SVIL: variants seen among roughly 807,000 people sequenced by gnomAD.
SVIL encodes archvillin.
A neutral mutation model predicts 240.4 loss-of-function variants in SVIL; 101 were observed. That is an observed-to-expected ratio of 0.42 (90% CI 0.36 to 0.50). The LOEUF is 0.50. Among genes scored for constraint, SVIL ranks in the 20% least tolerant of loss-of-function variants. The probability of loss-of-function intolerance (pLI) is 0.01; values close to 1 mark genes in which losing one functional copy is unlikely to be tolerated. For missense variants in SVIL, 2,512 were observed against 2,818.7 expected, an observed-to-expected ratio of 0.89 and a Z score of 2.46; for synonymous variants, 999 against 1,100.0, an observed-to-expected ratio of 0.91 and a Z score of 1.82.
chr10:29,569,853 A>G (rs1411406753), intron 1 of SVIL, among the ~76,000 whole-genome samples: 5 of 152,256 alleles, frequency 3.3e-5, no homozygotes, highest in African/African-American at 1.2e-4. Flanking sequence ...TATTTTGAAG[A>G]CAAGATAGGT....
intron 2 of SVIL, among the ~76,000 whole-genome samples, chr10:29,676,192 AC>A (rs1960186753): frequency 6.6e-6 from 1 of 152,182 alleles, no homozygotes; most frequent in South Asian, 2.1e-4. Flanking sequence ...CCATCTCCTC[AC>A]CTGCAGCACC....
chr10:29,672,433 C>T (rs553122937), intron 2 of SVIL, among the ~76,000 whole-genome samples: 17 of 144,242 alleles, frequency 1.2e-4, no homozygotes, highest in African/African-American at 2.4e-4. Context: ...GTGATCACAC[C>T]GCTGTGCTTC....
chr10:29,620,000 T>C (rs1035369848), intron 1 of SVIL, among the ~76,000 whole-genome samples: 10 of 152,196 alleles, frequency 6.6e-5, no homozygotes, highest in African/African-American at 2.4e-4. Context: ...TAACAGCTTC[T>C]TTCCACAAGG....
At chr10:29,556,744 G>A (rs1953968172) in intron 3 of SVIL, among the ~76,000 whole-genome samples, 2 of 152,184 alleles carry the variant, frequency 1.3e-5, no homozygotes, top group Admixed American at 1.3e-4. Context: ...GCGGCCTTGG[G>A]AGAGGAGGCT....
chr10:29,522,547 C>A lies in SVIL; in HGVS notation c.3252G>T (p.Lys1084Asn). 3 of 1,614,206 alleles carry A rather than the reference C, an allele frequency of 1.9e-6. No individual in the cohort carries two copies. Among genetic ancestry groups the A allele is most frequent in the Non-Finnish European group, 2.5e-6 (3 of 1,180,040 alleles). Residue 1084 changes from lysine (K) to asparagine (N), a missense_variant, in exon 16 of 38, where the codon AAG becomes AAT. Physicochemically the swap from Lys to Asn is moderately conservative, Grantham distance 94. This residue lies in a region of SVIL where 1,443 missense variants were observed against 1,486.6 expected (regional missense o/e 0.97). Coordinates refer to ENST00000355867, the MANE Select transcript of SVIL (RefSeq NM_021738.3). The part of the protein sequence containing the change: ...IAQTTAPVSW[K>N]PQDSSEQPQE... ...GTGGCTGTTCCGAAGAATCCTGGGG[C>A]TTCCAGGACACGGGGGCTGTGGTTT...
Position 29,532,718 on chromosome 10 carries a change from TCTG to T in SVIL, c.1646_1648del (p.Ser549_Asp550delinsTyr). The stretch of plus-strand genomic sequence containing the variant: ...CTGGAGCTGAGGGGGGCCTGTGAAA[TCTG>T]ACAGAGAGCGGGTACGGACCTTGCG... On this transcript the variant is annotated inframe_deletion, in exon 8 of 38. Transcript: ENST00000355867. 6.2e-7 allele frequency: 1 copy of T among 1,614,174 alleles called. No individual in the cohort carries two copies. Among genetic ancestry groups the T allele is most frequent in the Non-Finnish European group, 8.5e-7 (1 of 1,180,040 alleles).
chr10:29,634,050 T>G (rs1958215093), intron 1 of SVIL, among the ~76,000 whole-genome samples: 1 of 152,192 alleles, frequency 6.6e-6, no homozygotes, highest in South Asian at 2.1e-4. Context: ...CCCCCATACT[T>G]GTGCTACGAT....
At chr10:29,583,134 A>G (rs1326816439) in intron 1 of SVIL, among the ~76,000 whole-genome samples, 2 of 152,210 alleles carry the variant, frequency 1.3e-5, no homozygotes, top group Non-Finnish European at 2.9e-5. Flanking sequence ...GACTCCAATA[A>G]TTTGAAGGAA....
chr10:29,528,052 A>G (rs1168327470), intron 12 of SVIL, among the ~76,000 whole-genome samples: 6 of 152,072 alleles, frequency 3.9e-5, no homozygotes, highest in African/African-American at 1.4e-4. Context: ...TAAAAGTATC[A>G]GTGTTCTTAT....
At chr10:29,483,697 A>C (rs894855956) in intron 27 of SVIL, 4 of 152,334 alleles carry the variant, frequency 2.6e-5, no homozygotes, top group East Asian at 3.9e-4. Context: ...CAGTCCTTAA[A>C]ATAATGGTTG....
At chr10:29,704,291 G>A (rs1259728624) in intron 1 of SVIL, among the ~76,000 whole-genome samples, 1 of 152,202 alleles carries the variant, frequency 6.6e-6, no homozygotes, top group East Asian at 1.9e-4. Context: ...TGTCGTGTGT[G>A]TGTGTATGTG....
chr10:29,566,144 C>T (rs1388326755), intron 2 of SVIL, among the ~76,000 whole-genome samples: 1 of 152,126 alleles, frequency 6.6e-6, no homozygotes, highest in African/African-American at 2.4e-5. Flanking sequence ...ATCACCCTCC[C>T]TCCTTTCCTT....
At chr10:29,662,272 C>T (rs1959169688) in intron 2 of SVIL, among the ~76,000 whole-genome samples, 2 of 152,166 alleles carry the variant, frequency 1.3e-5, no homozygotes, top group African/African-American at 4.8e-5. Context: ...AGGAGAGCTT[C>T]TCTGACTGCC....
intron 1 of SVIL, among the ~76,000 whole-genome samples, chr10:29,688,235 G>T (rs1040395414): frequency 1.3e-5 from 2 of 152,234 alleles, no homozygotes; most frequent in African/African-American, 4.8e-5. Flanking sequence ...ATGCTTCGAG[G>T]CGGTGAGGCA....
At chr10:29,470,928 G>A (rs1399181478) in intron 31 of SVIL, among the ~76,000 whole-genome samples, 3 of 152,130 alleles carry the variant, frequency 2.0e-5, no homozygotes, top group Non-Finnish European at 4.4e-5. Context: ...CCAGCCTCCT[G>A]CGTGCAAAGG....
rs1483270722 is a variant in SVIL, at chr10:29,523,747, A to G, written c.2867T>C (p.Leu956Ser). The change falls in exon 15 of 38, where the codon TTG becomes TCG. Residue 956 changes from leucine (L) to serine (S), a missense_variant. Around this residue, in one of 3 missense-constraint regions of SVIL, gnomAD observed 1,443 missense variants for 1,486.6 expected, o/e 0.97. Transcript: ENST00000355867. ...CTCCATCCCACTGTCTCGACCTGTC[A>G]AAGCTCTCTTGCTTTCTGTCTCTCC... ...EYGETESKRA[L>S]TGRDSGMEKY... 5.0e-6 allele frequency: 8 copies of G among 1,614,190 alleles called. No individual in the cohort carries two copies. The highest frequency in any genetic ancestry group is 6.8e-6 in the Non-Finnish European group (8 of 1,180,034).
chr10:29,671,667 TCTC>T (rs1564750651), intron 2 of SVIL, among the ~76,000 whole-genome samples: 2 of 152,228 alleles, frequency 1.3e-5, no homozygotes, highest in Non-Finnish European at 2.9e-5. Context: ...ACTCTAGGCT[TCTC>T]CTAGGTCATC....
intron 6 of SVIL, among the ~76,000 whole-genome samples, chr10:29,543,543 T>C (rs1417193296): frequency 2.0e-5 from 3 of 152,216 alleles, no homozygotes; most frequent in Admixed American, 2.0e-4. Flanking sequence ...GCACTGATTT[T>C]TTTTCCATCT....
At chr10:29,631,768 C>T (rs1033096603) in intron 1 of SVIL, among the ~76,000 whole-genome samples, 2 of 151,838 alleles carry the variant, frequency 1.3e-5, no homozygotes, top group African/African-American at 4.8e-5. Flanking sequence ...GAGTGAGACT[C>T]CATCTCAAAA....
Sources: gnomAD v4.1 joint callset for allele counts (sites outside exome capture counted in the v4.1 genomes callset) on GRCh38, gnomAD v4.1.1 for gene constraint, gnomAD v4.1.1 regional missense constraint, MANE v1.5 for transcripts, NCBI Gene and HGNC (gene_info 2026-07-23, HGNC 2026-07-21) for gene names.